NRG3: variants seen among roughly 807,000 people sequenced by gnomAD.
NRG3 encodes neuregulin 3, also known as pro-neuregulin-3, membrane-bound isoform.
Under a neutral mutation model 66.9 loss-of-function variants are expected in NRG3, and 31 were observed. The observed-to-expected ratio is 0.46, with a 90% CI of 0.35 to 0.63. NRG3 has a LOEUF of 0.63. Among genes scored for constraint, NRG3 ranks in the 20% least tolerant of loss-of-function variants. The pLI is 0.00. For synonymous variants in NRG3, 393 were observed against 359.4 expected, an observed-to-expected ratio of 1.09 and a Z score of -1.06; for missense variants, 910 against 878.9, an observed-to-expected ratio of 1.04 and a Z score of -0.45.
At chr10:82,235,599 A>G (rs951858500) in intron 1 of NRG3, among the ~76,000 whole-genome samples, 1 of 152,116 alleles carries the variant, frequency 6.6e-6, no homozygotes, top group Admixed American at 6.6e-5. Flanking sequence ...TTGCCACCCT[A>G]GCACTTTATC....
At chr10:82,698,513 G>A (rs1221839039) in intron 2 of NRG3, among the ~76,000 whole-genome samples, 2 of 152,114 alleles carry the variant, frequency 1.3e-5, no homozygotes, top group African/African-American at 4.8e-5. Context: ...AAATACCAGA[G>A]AAAACATTTT....
chr10:82,473,725 T>C (rs1474685161), intron 2 of NRG3, among the ~76,000 whole-genome samples: 1 of 152,110 alleles, frequency 6.6e-6, no homozygotes, highest in Non-Finnish European at 1.5e-5. Context: ...TGCAGAGAAC[T>C]GAGTTTGCAA....
chr10:82,363,509 G>A (rs1159105010), intron 2 of NRG3, among the ~76,000 whole-genome samples: 4 of 152,198 alleles, frequency 2.6e-5, no homozygotes, highest in African/African-American at 9.7e-5. Context: ...AGGCTGGAGT[G>A]CGGTGGCGTG....
intron 1 of NRG3, among the ~76,000 whole-genome samples, chr10:81,953,133 C>T (rs557222287): frequency 2.2e-4 from 34 of 152,270 alleles, no homozygotes; most frequent in Non-Finnish European, 8.8e-5. Context: ...TTCTCTCTAA[C>T]ACTCTTCCTG....
intron 2 of NRG3, among the ~76,000 whole-genome samples, chr10:82,368,812 C>A (rs1039485142): frequency 7.2e-6 from 1 of 138,972 alleles, no homozygotes; most frequent in Admixed American, 6.8e-5. Context: ...CAGAGATGAT[C>A]TATCAGTACA....
chr10:82,003,526 G>A (rs1455386165), intron 1 of NRG3, among the ~76,000 whole-genome samples: 2 of 152,126 alleles, frequency 1.3e-5, no homozygotes, highest in Non-Finnish European at 2.9e-5. Context: ...TGAGGTTGCT[G>A]GAAAACCAGG....
chr10:82,170,739 A>G (rs1348997646), intron 1 of NRG3, among the ~76,000 whole-genome samples: 4 of 142,816 alleles, frequency 2.8e-5, no homozygotes, highest in Admixed American at 7.2e-5. Context: ...TTAAATGTTA[A>G]TGGCCATCAT....
intron 2 of NRG3, among the ~76,000 whole-genome samples, chr10:82,525,107 G>A (rs1399218648): frequency 2.6e-5 from 4 of 151,730 alleles, no homozygotes; most frequent in Non-Finnish European, 5.9e-5. Context: ...AGCTTATCTC[G>A]ATCAATAACA....
At chr10:82,134,293 C>T (rs747647834) in intron 1 of NRG3, among the ~76,000 whole-genome samples, 14 of 152,092 alleles carry the variant, frequency 9.2e-5, no homozygotes, top group Non-Finnish European at 1.6e-4. Context: ...TTTTTGCTTT[C>T]GTAGCGATTT....
At chr10:82,976,268 C>T (rs2132616919) in intron 7 of NRG3, among the ~76,000 whole-genome samples, 1 of 152,214 alleles carries the variant, frequency 6.6e-6, no homozygotes, top group African/African-American at 2.4e-5. Context: ...GTTGGCCAGG[C>T]TGGTCTTGAA....
chr10:82,307,864 AT>A (rs200977908), intron 1 of NRG3, among the ~76,000 whole-genome samples: 29 of 147,632 alleles, frequency 2.0e-4, no homozygotes, highest in African/African-American at 5.2e-4. Flanking sequence ...TTTTTTTCAC[AT>A]TTTTTTTTAC....
chr10:82,000,439 A>G (rs1308357713), intron 1 of NRG3, among the ~76,000 whole-genome samples: 1 of 152,092 alleles, frequency 6.6e-6, no homozygotes, highest in South Asian at 2.1e-4. Context: ...TTTGTAGCGT[A>G]GATTAATTTT....
At chr10:82,808,330 T>C (rs967534007) in intron 3 of NRG3, among the ~76,000 whole-genome samples, 3 of 152,180 alleles carry the variant, frequency 2.0e-5, no homozygotes, top group Non-Finnish European at 4.4e-5. Flanking sequence ...ATCTGAATGA[T>C]ACATTGAGAT....
intron 2 of NRG3, among the ~76,000 whole-genome samples, chr10:82,427,775 A>C (rs1406847456): frequency 1.3e-5 from 2 of 152,098 alleles, no homozygotes; most frequent in African/African-American, 4.8e-5. Flanking sequence ...AAGATTTACA[A>C]AGGACTGGTA....
intron 2 of NRG3, among the ~76,000 whole-genome samples, chr10:82,562,667 A>C (rs1270791492): frequency 6.6e-6 from 1 of 152,060 alleles, no homozygotes; most frequent in African/African-American, 2.4e-5. Flanking sequence ...AATATAGTAA[A>C]AGTTTTTTCT....
intron 1 of NRG3, among the ~76,000 whole-genome samples, chr10:81,987,241 C>T (rs183334452): frequency 4.3e-4 from 65 of 152,238 alleles, no homozygotes; most frequent in Non-Finnish European, 6.5e-4. Flanking sequence ...CACGCCACCA[C>T]ACCCGGATAA....
At chr10:82,936,417 A>T (rs569231006) in intron 4 of NRG3, among the ~76,000 whole-genome samples, 2 of 152,274 alleles carry the variant, frequency 1.3e-5, no homozygotes, top group Non-Finnish European at 2.9e-5. Context: ...ATGGAAATTG[A>T]GAATAGAATG....
chr10:82,851,076 A>G (rs1292842630), intron 3 of NRG3, among the ~76,000 whole-genome samples: 1 of 152,238 alleles, frequency 6.6e-6, no homozygotes, highest in Non-Finnish European at 1.5e-5. Context: ...TCAGTGAGTT[A>G]AGTCATGTAA....
Position 81,921,150 on chromosome 10 carries a change from T to TAATA in NRG3, c.823+45002_823+45005dup, listed in dbSNP as rs536590746. On this transcript the variant is annotated intron_variant, in intron 1 of 8. Transcript: ENST00000372141. The stretch of plus-strand genomic sequence containing the variant: ...TCTTAGCCAATACTGAGGCTTGTTA[T>TAATA]AATAAATAAATAAATAAACAAATAA... Among the ~76,000 whole-genome samples, 179 of 152,136 alleles carry TAATA rather than the reference T, an allele frequency of 1.2e-3. 1 individual carries two copies. Among genetic ancestry groups the TAATA allele is most frequent in the Middle Eastern group, 0.01 (3 of 294 alleles).
Sources: gnomAD v4.1 joint callset for allele counts (sites outside exome capture counted in the v4.1 genomes callset) on GRCh38, gnomAD v4.1.1 for gene constraint, MANE v1.5 for transcripts, NCBI Gene and HGNC (gene_info 2026-07-23, HGNC 2026-07-21) for gene names.